The following SPTBN4 variants were observed in gnomAD, a reference collection of about 807,000 sequenced individuals.
The protein encoded by SPTBN4 is spectrin beta, non-erythrocytic 4.
In SPTBN4, 96 loss-of-function variants were observed where a neutral mutation model predicts 277.8. The ratio of observed to expected loss-of-function variants is 0.35; its 90% CI spans 0.29 to 0.41. The LOEUF (loss-of-function observed/expected upper bound fraction) is 0.41, where lower values mean the gene tolerates loss of function less well. SPTBN4 is among the 10% of genes least tolerant of loss of function. SPTBN4 has a pLI of 1.00. For missense variants in SPTBN4, 3,006 were observed against 3,595.7 expected, an observed-to-expected ratio of 0.84 and a Z score of 4.19; for synonymous variants, 1,481 against 1,580.3, an observed-to-expected ratio of 0.94 and a Z score of 1.49.
Position 40,491,713 on chromosome 19 carries a change from C to CAAAAAAAA in SPTBN4, c.496-1232_496-1225dup, listed in dbSNP as rs35237688. ...TGGGTAATAGATAGAGACTCTGTCT[C>CAAAAAAAA]AAAAAAAAAAAAAAAAAAAAAAAAA... On this transcript the variant is annotated intron_variant, in intron 4 of 35. Coordinates refer to ENST00000598249, the MANE Select transcript of SPTBN4 (RefSeq NM_020971.3). Among the ~76,000 whole-genome samples the CAAAAAAAA allele has an allele frequency of 4.4e-3, 171 of 38,788 alleles. 29 individuals carry two copies. The highest frequency in any genetic ancestry group is 0.015 in the African/African-American group (113 of 7,622). The allele number at this position is 38,788 out of a possible 152,430, so 25.4% of individuals were successfully genotyped here.
At chr19:40,508,571 C>A (rs1183093879) in intron 13 of SPTBN4, among the ~76,000 whole-genome samples, 1 of 152,104 alleles carries the variant, frequency 6.6e-6, no homozygotes, top group Admixed American at 6.6e-5. Flanking sequence ...GCCTGTAATC[C>A]CAGCAACCCA....
chr19:40,503,435 G>T (rs2080285938), intron 11 of SPTBN4, among the ~76,000 whole-genome samples: 1 of 150,932 alleles, frequency 6.6e-6, no homozygotes, highest in South Asian at 2.1e-4. Flanking sequence ...ACGGGAAGGT[G>T]GGGTTGGTCT....
intron 20 of SPTBN4, among the ~76,000 whole-genome samples, chr19:40,544,967 A>G (rs765703445): frequency 5.6e-4 from 84 of 150,752 alleles, no homozygotes; most frequent in Admixed American, 1.1e-3. Context: ...TGACTTAACC[A>G]TTTCTCTCTT....
intron 20 of SPTBN4, among the ~76,000 whole-genome samples, chr19:40,538,082 A>G (rs962026353): frequency 6.6e-6 from 1 of 152,126 alleles, no homozygotes; most frequent in Non-Finnish European, 1.5e-5. Context: ...AGGAGCTGGC[A>G]CTCTTAGTCA....
At chr19:40,483,655 A>G (rs1466731043) in intron 2 of SPTBN4, among the ~76,000 whole-genome samples, 2 of 152,160 alleles carry the variant, frequency 1.3e-5, no homozygotes, top group Non-Finnish European at 2.9e-5. Flanking sequence ...CTGATCATCA[A>G]TCATACCTGA....
At chr19:40,530,241 C>T (rs920495978) in intron 18 of SPTBN4, among the ~76,000 whole-genome samples, 1 of 152,104 alleles carries the variant, frequency 6.6e-6, no homozygotes, top group Non-Finnish European at 1.5e-5. Flanking sequence ...AAGCCCCAGG[C>T]GCTCCCTCCC....
intron 14 of SPTBN4, among the ~76,000 whole-genome samples, chr19:40,514,794 A>G (rs2080435136): frequency 6.6e-6 from 1 of 152,172 alleles, no homozygotes; most frequent in Non-Finnish European, 1.5e-5. Context: ...GTTGCTGCTG[A>G]GGAATCTCAC....
chr19:40,468,915 A>C (rs898753615), intron 1 of SPTBN4, among the ~76,000 whole-genome samples: 1 of 152,170 alleles, frequency 6.6e-6, no homozygotes, highest in Non-Finnish European at 1.5e-5. Flanking sequence ...CCTGAGCAAC[A>C]TAGTGAGACC....
In SPTBN4 at chr19:40,504,119, T is replaced by G. The variant is rs779505283; in HGVS notation, c.1652T>G (p.Met551Arg). 1.0e-5 allele frequency: 11 copies of G among 1,053,048 alleles called. No individual in the cohort carries two copies. The highest frequency in any genetic ancestry group is 8.8e-6 in the Non-Finnish European group (7 of 798,212). 65.2% of individuals were successfully genotyped at this position (1,053,048 alleles called of 1,614,324 possible). Residue 551 changes from methionine to arginine, a missense_variant, in exon 12 of 36, where the codon ATG becomes AGG. Met to Arg is a moderately conservative substitution (Grantham distance 91). This residue lies in a region of SPTBN4 where 1,759 missense variants were observed against 2,061.5 expected (regional missense o/e 0.85). Transcript: ENST00000598249. ...GAGATGGTGTACATGGTGGACTGGA[T>G]GGAGGAGATGCAGGTGCCGGCGGGG... ...FQEMVYMVDW[M>R]EEMQAQLLSR... is the part of the protein sequence containing the mutation.
intron 20 of SPTBN4, among the ~76,000 whole-genome samples, chr19:40,543,955 G>A (rs1028656777): frequency 2.6e-5 from 4 of 152,104 alleles, no homozygotes; most frequent in Non-Finnish European, 5.9e-5. Flanking sequence ...GAAATCCCAT[G>A]GGAAAATTAT....
chr19:40,561,412 G>A (rs1486807942), intron 27 of SPTBN4, among the ~76,000 whole-genome samples: 1 of 152,248 alleles, frequency 6.6e-6, no homozygotes, highest in Non-Finnish European at 1.5e-5. Context: ...CCTGCAGCCT[G>A]CATTCATTTA....
In SPTBN4 at chr19:40,523,250, G is replaced by C. The variant is rs556785272; in HGVS notation, c.3655-187G>C. 6.4e-4 allele frequency among the ~76,000 whole-genome samples: 98 copies of C among 152,336 alleles called. 1 individual carries two copies. The highest frequency in any genetic ancestry group is 1.3e-3 in the Non-Finnish European group (87 of 68,040). Reference sequence around the variant, plus strand: ...AAGAAAGTGAAGGAGCCAGCCATGGGGGTATCTGGAGGGACAGACTCCCAG... The same window carrying C: ...AAGAAAGTGAAGGAGCCAGCCATGGCGGTATCTGGAGGGACAGACTCCCAG... On this transcript the variant is annotated intron_variant, in intron 16 of 35. Transcript: ENST00000598249.
chr19:40,572,217 G>A, intron 34 of SPTBN4, 25 bp downstream of exon 34: 1 of 1,594,782 alleles, frequency 6.3e-7, no homozygotes, highest in Non-Finnish European at 8.6e-7. Flanking sequence ...GGGCAGGAGG[G>A]AGGGATCCAA....
intron 2 of SPTBN4, among the ~76,000 whole-genome samples, chr19:40,479,977 C>T (rs1001232165): frequency 3.3e-5 from 5 of 150,112 alleles, no homozygotes; most frequent in African/African-American, 9.8e-5. Flanking sequence ...TGGGGCCAGG[C>T]GTGGTGGCTC....
chr19:40,523,368 G>A, intron 16 of SPTBN4, 69 bp from the exon 17 acceptor site: 2 of 1,468,846 alleles, frequency 1.4e-6, no homozygotes, highest in Non-Finnish European at 1.8e-6. Context: ...GGCAAGCCAG[G>A]CTGGCAGCCT....
At chr19:40,552,272 G>A (rs2080926098) in intron 22 of SPTBN4, among the ~76,000 whole-genome samples, 1 of 151,826 alleles carries the variant, frequency 6.6e-6, no homozygotes. Flanking sequence ...TGGCTAACAC[G>A]GTGAAACCGC....
At chr19:40,529,183 G>T in intron 18 of SPTBN4, 52 bp downstream of exon 18, 9 of 1,501,854 alleles carry the variant, frequency 6.0e-6, no homozygotes, top group Non-Finnish European at 7.4e-6. Flanking sequence ...AGTCGGGAGG[G>T]AAGTGCTTCT....
intron 20 of SPTBN4, among the ~76,000 whole-genome samples, chr19:40,544,604 C>T (rs539618648): frequency 1.3e-5 from 2 of 151,258 alleles, no homozygotes; most frequent in South Asian, 4.2e-4. Flanking sequence ...TCTGCCATCA[C>T]GCCTGGCTAA....
At chr19:40,525,966 C>G (rs2052072060) in intron 17 of SPTBN4, among the ~76,000 whole-genome samples, 1 of 152,108 alleles carries the variant, frequency 6.6e-6, no homozygotes, top group Non-Finnish European at 1.5e-5. Flanking sequence ...CATTTCCCAC[C>G]CTGTGGGAGG....
Sources: allele counts gnomAD v4.1 joint callset (sites outside exome capture counted in the v4.1 genomes callset), GRCh38; gene constraint gnomAD v4.1.1; regional missense constraint gnomAD v4.1.1; transcripts MANE v1.5; gene names NCBI Gene and HGNC (gene_info 2026-07-23, HGNC 2026-07-21).